PELI1: variants seen among roughly 807,000 people sequenced by gnomAD.
The protein encoded by PELI1 is E3 ubiquitin-protein ligase pellino homolog 1.
In PELI1, 15 loss-of-function variants were observed where a neutral mutation model predicts 41.3. The observed-to-expected ratio is 0.36, with a 90% confidence interval of 0.24 to 0.56. The LOEUF is 0.56. Ranked by LOEUF, PELI1 falls within the 20% of genes least tolerant of loss-of-function variation. The pLI is 0.82. For missense variants in PELI1, 403 were observed against 525.5 expected, an observed-to-expected ratio of 0.77 and a Z score of 2.28; for synonymous variants, 178 against 180.1, an observed-to-expected ratio of 0.99 and a Z score of 0.09.
chr2:64,142,686 T>C (rs1017944568), intron 1 of PELI1, among the ~76,000 whole-genome samples: 13 of 152,344 alleles, frequency 8.5e-5, no homozygotes, highest in African/African-American at 2.9e-4. Flanking sequence ...TTTTGTTGGC[T>C]ATAAAGAAAA....
intron 1 of PELI1, among the ~76,000 whole-genome samples, chr2:64,110,247 G>GAAAAAAA (rs796716135): frequency 2.4e-4 from 24 of 100,716 alleles, no homozygotes; most frequent in South Asian, 6.4e-4. Flanking sequence ...TCCGTCTCAA[G>GAAAAAAA]AAAAAAAAAA....
intron 1 of PELI1, among the ~76,000 whole-genome samples, chr2:64,140,123 A>G (rs544603017): frequency 1.5e-4 from 23 of 152,288 alleles, no homozygotes; most frequent in African/African-American, 5.5e-4. Flanking sequence ...ATGGTGGGAA[A>G]CCGCGGGTAT....
chr2:64,096,053 T>C (rs1558470339), intron 6 of PELI1, 72 bp downstream of exon 6: 3 of 1,013,552 alleles, frequency 3.0e-6, no homozygotes, highest in African/African-American at 1.6e-5. Context: ...CTGGAATGTA[T>C]GTAATGCATT....
At chr2:64,125,403 C>T (rs577199191) in intron 1 of PELI1, among the ~76,000 whole-genome samples, 5 of 152,270 alleles carry the variant, frequency 3.3e-5, no homozygotes, top group Non-Finnish European at 5.9e-5. Context: ...GAACTCTGTG[C>T]CAGGAAGACA....
chr2:64,103,376 C>T (rs111481692), intron 3 of PELI1, among the ~76,000 whole-genome samples: 2,345 of 152,066 alleles, frequency 0.015, 55 homozygotes, highest in African/African-American at 0.053. Flanking sequence ...TTGGCTGTTA[C>T]GAGGATTTGC....
At chr2:64,098,696 T>C (rs944409560) in intron 4 of PELI1, among the ~76,000 whole-genome samples, 1 of 152,128 alleles carries the variant, frequency 6.6e-6, no homozygotes, top group Non-Finnish European at 1.5e-5. Context: ...AGGCATAGAG[T>C]TGGAGTTGGA....
intron 1 of PELI1, among the ~76,000 whole-genome samples, chr2:64,126,502 C>G (rs1011858342): frequency 5.9e-5 from 9 of 152,128 alleles, no homozygotes; most frequent in Non-Finnish European, 1.0e-4. Context: ...GAGTCACCAA[C>G]AACACAATTA....
rs1005966100 is a variant in PELI1 at position 64,100,496 on chromosome 2, T to C, written c.205A>G (p.Ile69Val). 14 of 1,537,718 alleles carry C rather than the reference T, an allele frequency of 9.1e-6. No individual in the cohort carries two copies. The highest frequency in any genetic ancestry group is 2.3e-5 in the East Asian group (1 of 44,058). The change falls in exon 4 of 7, where the codon ATA becomes GTA. Residue 69 changes from isoleucine (I) to valine (V), a missense_variant. Transcript: ENST00000358912. ...IACTPQAAKA[I>V]SNKDQHSISY... ...ATGCTATGCTGGTCTTTGTTGCTTA[T>C]TGCCTAAGAATGAAAAAGTTAATAG...
intron 1 of PELI1, among the ~76,000 whole-genome samples, chr2:64,142,472 G>A (rs543922483): frequency 6.6e-6 from 1 of 152,278 alleles, no homozygotes; most frequent in African/African-American, 2.4e-5. Context: ...GCTAGTAGAA[G>A]TGATGCTTGG....
chr2:64,094,714 T>C lies in PELI1; in HGVS notation c.1245A>G (p.Gly415=). ...EQGYIRLIFQ[G]PLD is the part of the protein sequence containing the mutation. Reference sequence around the variant, plus strand: ...AGACAATGGTCTGTTAGTCTAGAGGTCCTTGAAAAATAAGTCTGATGTAGC... The same window carrying C: ...AGACAATGGTCTGTTAGTCTAGAGGCCCTTGAAAAATAAGTCTGATGTAGC... The change falls in exon 7 of 7, where the codon GGA becomes GGG. Residue 415 remains glycine, a synonymous_variant. Coordinates refer to ENST00000358912, the MANE Select transcript of PELI1 (RefSeq NM_020651.4). The C allele has an allele frequency of 2.5e-6, 4 of 1,612,712 alleles. No individual in the cohort carries two copies. The highest frequency in any genetic ancestry group is 3.4e-6 in the Non-Finnish European group (4 of 1,178,702).
At chr2:64,123,340 A>AC (rs1157563087) in intron 1 of PELI1, among the ~76,000 whole-genome samples, 35 of 152,348 alleles carry the variant, frequency 2.3e-4, no homozygotes, top group African/African-American at 8.4e-4. Context: ...AGTCTCTTTA[A>AC]ACGAACAAAA....
In PELI1 at chr2:64,137,483, A is replaced by ATG. The variant is rs150203723; in HGVS notation, c.-70+6596_-70+6597dup. On this transcript the variant is annotated intron_variant, in intron 1 of 6. Transcript: ENST00000358912. Reference sequence around the variant, plus strand: ...TATTAAGAATTGTATATGATCTTGTATGTGTGTGTGTGTGTGCGCATTTTG... The same window carrying ATG: ...TATTAAGAATTGTATATGATCTTGTATGTGTGTGTGTGTGTGTGCGCATTTTG... 6.5e-3 allele frequency among the ~76,000 whole-genome samples: 985 copies of ATG among 151,798 alleles called. 27 individuals are homozygous for ATG. The highest frequency in any genetic ancestry group is 0.045 in the Admixed American group (681 of 15,214).
chr2:64,106,075 G>GTT (rs1274425753), intron 2 of PELI1: 5 of 152,228 alleles, frequency 3.3e-5, no homozygotes, highest in African/African-American at 1.2e-4. Flanking sequence ...TAGCCTTGCT[G>GTT]TAAGTCCAAA....
At chr2:64,140,294 C>T (rs1681857881) in intron 1 of PELI1, among the ~76,000 whole-genome samples, 1 of 152,132 alleles carries the variant, frequency 6.6e-6, no homozygotes, top group Non-Finnish European at 1.5e-5. Context: ...TCAGGATTTT[C>T]CCATTTATAG....
At chr2:64,104,032 T>C (rs894324436) in intron 3 of PELI1, among the ~76,000 whole-genome samples, 1 of 152,184 alleles carries the variant, frequency 6.6e-6, no homozygotes, top group African/African-American at 2.4e-5. Flanking sequence ...CCTGAAATGG[T>C]GGTCCAGCTT....
chr2:64,100,547 A>T (rs2103671867), intron 3 of PELI1, 48 bp from the exon 4 acceptor site: 2 of 853,634 alleles, frequency 2.3e-6, no homozygotes, highest in East Asian at 4.8e-5. Flanking sequence ...AGGTCAATCC[A>T]ATCAGATAAT....
At chr2:64,123,229 G>C (rs565770533) in intron 1 of PELI1, among the ~76,000 whole-genome samples, 2 of 152,164 alleles carry the variant, frequency 1.3e-5, no homozygotes, top group Non-Finnish European at 2.9e-5. Flanking sequence ...TTTAATGAAA[G>C]GCATACCATG....
At chr2:64,120,368 A>T (rs1413010037) in intron 1 of PELI1, among the ~76,000 whole-genome samples, 1 of 152,244 alleles carries the variant, frequency 6.6e-6, no homozygotes, top group Non-Finnish European at 1.5e-5. Context: ...CCAAAGGCGA[A>T]CCTGATTAAT....
Position 64,096,283 on chromosome 2 carries a change from C to T in PELI1, c.532G>A (p.Gly178Arg). Residue 178 changes from glycine (G) to arginine (R), a missense_variant, in exon 6 of 7, where the codon GGA becomes AGA. Gly to Arg is a moderately radical substitution (Grantham distance 125). Transcript: ENST00000358912. The part of the protein sequence containing the change: ...EKAAKWKTSD[G>R]QMDGLTTNGV... ...TTAGTGGTCAAGCCATCCATCTGTC[C>T]ATCTGATGTCTTCCATTTGGCAGCC... 1.2e-6 allele frequency: 2 copies of T among 1,614,032 alleles called. No individual in the cohort carries two copies. The highest frequency in any genetic ancestry group is 1.7e-4 in the Middle Eastern group (1 of 6,060).
Sources: gnomAD v4.1 joint callset for allele counts (sites outside exome capture counted in the v4.1 genomes callset) on GRCh38, gnomAD v4.1.1 for gene constraint, MANE v1.5 for transcripts, NCBI Gene and HGNC (gene_info 2026-07-23, HGNC 2026-07-21) for gene names.